PEBP4: variants seen among roughly 807,000 people sequenced by gnomAD.
PEBP4 encodes the protein phosphatidylethanolamine binding protein 4.
A neutral mutation model predicts 23.9 loss-of-function variants in PEBP4; 22 were observed. That is an observed-to-expected ratio of 0.92 (90% confidence interval 0.66 to 1.31). The LOEUF is 1.31. Ranked by LOEUF, PEBP4 falls within the 40% of genes most tolerant of loss-of-function variation. PEBP4 has a pLI of 0.00. For synonymous variants in PEBP4, 112 were observed against 99.3 expected (o/e 1.13, Z -0.76); for missense variants, 324 against 281.7 (o/e 1.15, Z -1.07).
chr8:22,791,063 A>C (rs372831075), intron 4 of PEBP4, among the ~76,000 whole-genome samples: 76 of 152,252 alleles, frequency 5.0e-4, no homozygotes, highest in African/African-American at 1.8e-3. Flanking sequence ...AGATGAATAG[A>C]GATCTAAGCT....
chr8:22,751,626 GTCTC>G (rs1305516748), intron 4 of PEBP4, among the ~76,000 whole-genome samples: 1 of 68,104 alleles, frequency 1.5e-5, no homozygotes, highest in Non-Finnish European at 3.2e-5. Flanking sequence ...GTGTGTGTGT[GTCTC>G]TGTGTGTGTG....
chr8:22,821,262 A>C (rs1230592784), intron 3 of PEBP4, among the ~76,000 whole-genome samples: 2 of 152,222 alleles, frequency 1.3e-5, no homozygotes, highest in African/African-American at 4.8e-5. Flanking sequence ...GATGAAAAGC[A>C]GAGCAAAAAA....
At chr8:22,731,645 C>T (rs7821917) in intron 4 of PEBP4, among the ~76,000 whole-genome samples, 5,224 of 83,138 alleles carry the variant, frequency 0.063, 295 homozygotes, top group African/African-American at 0.26. Context: ...ATTTATTTAT[C>T]TATCTATCTA....
intron 3 of PEBP4, among the ~76,000 whole-genome samples, chr8:22,851,014 C>T (rs1031638675): frequency 1.3e-5 from 2 of 152,214 alleles, no homozygotes; most frequent in African/African-American, 4.8e-5. Context: ...TTTGGGCAAA[C>T]ATCATTGAAT....
intron 4 of PEBP4, among the ~76,000 whole-genome samples, chr8:22,803,854 G>A (rs1242419846): frequency 2.0e-5 from 3 of 152,044 alleles, no homozygotes; most frequent in South Asian, 2.1e-4. Context: ...CACCCTCCAC[G>A]TCTAATTCAT....
intron 6 of PEBP4, among the ~76,000 whole-genome samples, chr8:22,718,888 AG>A (rs1804465173): frequency 6.6e-6 from 1 of 151,964 alleles, no homozygotes; most frequent in Non-Finnish European, 1.5e-5. Context: ...TTCTGCTACT[AG>A]GCTGGTGGAT....
At chr8:22,873,966 C>G (rs562709744) in intron 3 of PEBP4, among the ~76,000 whole-genome samples, 16 of 152,252 alleles carry the variant, frequency 1.1e-4, no homozygotes, top group Middle Eastern at 3.4e-3. Flanking sequence ...ACATTTGTCC[C>G]TAGCTCTAGG....
chr8:22,768,609 G>A (rs1295999842), intron 4 of PEBP4, among the ~76,000 whole-genome samples: 2 of 152,122 alleles, frequency 1.3e-5, no homozygotes, highest in South Asian at 2.1e-4. Flanking sequence ...AAACAGTGAC[G>A]CAGCCTCGGG....
At chr8:22,897,090 C>A (rs1376106676) in intron 3 of PEBP4, among the ~76,000 whole-genome samples, 1 of 151,658 alleles carries the variant, frequency 6.6e-6, no homozygotes, top group Non-Finnish European at 1.5e-5. Flanking sequence ...TTAGCGTAGA[C>A]ATTGAGAGGT....
chr8:22,744,307 G>T (rs1805063188), intron 4 of PEBP4, among the ~76,000 whole-genome samples: 1 of 152,264 alleles, frequency 6.6e-6, no homozygotes, highest in African/African-American at 2.4e-5. Context: ...CCTTGAGGAT[G>T]CAGAGATAGA....
intron 3 of PEBP4, among the ~76,000 whole-genome samples, chr8:22,915,688 G>A (rs1033473792): frequency 2.0e-5 from 3 of 152,194 alleles, no homozygotes; most frequent in Non-Finnish European, 4.4e-5. Flanking sequence ...GCACTTGACC[G>A]CCTCCACATG....
chr8:22,860,613 T>G (rs1807756516), intron 3 of PEBP4, among the ~76,000 whole-genome samples: 1 of 152,246 alleles, frequency 6.6e-6, no homozygotes, highest in Non-Finnish European at 1.5e-5. Context: ...TACCACGTTG[T>G]GTTTATGCAT....
rs184791741 is a variant in PEBP4 at position 22,921,819 on chromosome 8, G to A, written c.132-1509C>T. Among the ~76,000 whole-genome samples, 3 of 152,336 alleles carry A rather than the reference G, an allele frequency of 2.0e-5. No homozygotes were observed. The East Asian group carries it at 5.8e-4, about 29-fold the overall frequency. ...TCTTCCTAGCATCATCTTAAGGACCGTTTGGTTTGTTTCTGCTGCAACTCC... is the reference window on the plus strand; with the variant it reads ...TCTTCCTAGCATCATCTTAAGGACCATTTGGTTTGTTTCTGCTGCAACTCC... On this transcript the variant is annotated intron_variant, in intron 2 of 6. Transcript: ENST00000256404.
intron 3 of PEBP4, among the ~76,000 whole-genome samples, chr8:22,868,831 T>C (rs553249441): frequency 3.3e-5 from 5 of 152,320 alleles, no homozygotes; most frequent in Admixed American, 2.0e-4. Context: ...GCCTCCTTCC[T>C]TCCTTCCATC....
intron 3 of PEBP4, among the ~76,000 whole-genome samples, chr8:22,893,291 C>T (rs1808530179): frequency 6.6e-6 from 1 of 152,168 alleles, no homozygotes; most frequent in Admixed American, 6.6e-5. Context: ...TGAGAAGGAT[C>T]AGACTGCTTT....
chr8:22,884,774 C>G (rs999498492), intron 3 of PEBP4: 3 of 152,290 alleles, frequency 2.0e-5, no homozygotes, highest in Non-Finnish European at 4.4e-5. Context: ...CCAATGTCCT[C>G]TCCTTAATTT....
rs190224514 is a variant in PEBP4 at position 22,879,926 on chromosome 8, T to C, written c.258+40258A>G. On this transcript the variant is annotated intron_variant, in intron 3 of 6. Transcript: ENST00000256404. ...AGATTCTATGGCACACAGAGGGGTATGTTGCATTTGGGAAAAGGGTGTTAA... is the reference window on the plus strand; with the variant it reads ...AGATTCTATGGCACACAGAGGGGTACGTTGCATTTGGGAAAAGGGTGTTAA... 6.9e-4 allele frequency among the ~76,000 whole-genome samples: 105 copies of C among 152,318 alleles called. 1 individual carries two copies. Among genetic ancestry groups the C allele is most frequent in the Non-Finnish European group, 8.4e-4 (57 of 68,028 alleles).
chr8:22,918,643 G>A (rs1477806434), intron 3 of PEBP4, among the ~76,000 whole-genome samples: 2 of 152,242 alleles, frequency 1.3e-5, no homozygotes, highest in Non-Finnish European at 2.9e-5. Flanking sequence ...CCTTGGGACT[G>A]TCCCTGGCCT....
At chr8:22,748,132 G>A (rs901192536) in intron 4 of PEBP4, among the ~76,000 whole-genome samples, 1 of 152,206 alleles carries the variant, frequency 6.6e-6, no homozygotes, top group African/African-American at 2.4e-5. Flanking sequence ...GAGGAAGGGA[G>A]ACCAATGAGC....
Sources: allele counts gnomAD v4.1 joint callset (sites outside exome capture counted in the v4.1 genomes callset), GRCh38; gene constraint gnomAD v4.1.1; transcripts MANE v1.5; gene names NCBI Gene and HGNC (gene_info 2026-07-23, HGNC 2026-07-21).